Variants in KCNIP4 observed in about 807,000 individuals in gnomAD.
The protein encoded by KCNIP4 is potassium voltage-gated channel interacting protein 4, also known as Kv channel-interacting protein 4.
Under a neutral mutation model 34.0 loss-of-function variants are expected in KCNIP4, and 12 were observed. The ratio of observed to expected loss-of-function variants is 0.35; its 90% confidence interval spans 0.23 to 0.57. The LOEUF is 0.57. Among genes scored for constraint, KCNIP4 ranks in the 20% least tolerant of loss-of-function variants. The pLI is 0.83. For synonymous variants in KCNIP4, 124 were observed against 102.2 expected (o/e 1.21, Z -1.29); for missense variants, 238 against 311.7 (o/e 0.76, Z 1.78).
rs1331132908 is a variant in KCNIP4, at chr4:21,892,917, A to G, written c.61+55654T>C. ...GCATCTCTATTTTCAGCAGTTCCAC[A>G]GGCGATATAGCCACAGCTTTGGGCC... On this transcript the variant is annotated intron_variant, in intron 1 of 8. Transcript: ENST00000382152. 3.3e-5 allele frequency among the ~76,000 whole-genome samples: 5 copies of G among 152,178 alleles called. No homozygotes were observed. The East Asian group carries it at 9.6e-4, about 29-fold the overall frequency.
chr4:20,775,043 T>C (rs1175108924), intron 3 of KCNIP4, among the ~76,000 whole-genome samples: 2 of 152,180 alleles, frequency 1.3e-5, no homozygotes, highest in African/African-American at 4.8e-5. Context: ...TTTTTACCTC[T>C]GGTTTATTAT....
At chr4:21,111,717 G>A (rs934524318) in intron 1 of KCNIP4, among the ~76,000 whole-genome samples, 1 of 152,172 alleles carries the variant, frequency 6.6e-6, no homozygotes, top group Non-Finnish European at 1.5e-5. Flanking sequence ...TGGAGTAGGG[G>A]TCAGGGGTGG....
chr4:21,632,408 G>C (rs201272486), intron 1 of KCNIP4, among the ~76,000 whole-genome samples: 2 of 148,240 alleles, frequency 1.3e-5, no homozygotes, highest in Non-Finnish European at 3.0e-5. Flanking sequence ...TGTTTTTTTT[G>C]TTTTGGGGGT....
intron 1 of KCNIP4, among the ~76,000 whole-genome samples, chr4:21,270,800 A>G (rs1762094321): frequency 6.6e-6 from 1 of 152,078 alleles, no homozygotes; most frequent in African/African-American, 2.4e-5. Flanking sequence ...CAGCCTGGCC[A>G]ACAAGGTGAA....
chr4:21,067,879 C>T (rs1393795303), intron 1 of KCNIP4, among the ~76,000 whole-genome samples: 11 of 152,248 alleles, frequency 7.2e-5, no homozygotes, highest in African/African-American at 2.4e-4. Context: ...TATGTCCCAT[C>T]AACATAAATA....
chr4:20,803,729 G>GGAAGGAAGGAAGGAAGGAAGGAAGGAAA (rs1714708221), intron 3 of KCNIP4, among the ~76,000 whole-genome samples: 1 of 122,628 alleles, frequency 8.2e-6, no homozygotes, highest in East Asian at 2.3e-4. Flanking sequence ...GAGAGAGAGA[G>GGAAGGAAGGAAGGAAGGAAGGAAGGAAA]GAAGGAAGGA....
Position 21,048,834 on chromosome 4 carries a change from G to A in KCNIP4, c.62-166125C>T, listed in dbSNP as rs528119916. 2.6e-4 allele frequency among the ~76,000 whole-genome samples: 40 copies of A among 152,160 alleles called. No individual in the cohort carries two copies. In the South Asian group the frequency reaches 7.9e-3, roughly 30 times the overall value. On this transcript the variant is annotated intron_variant, in intron 1 of 8. Transcript: ENST00000382152. ...CAGTTTCCACTTTCTTCCTAGTGGG[G>A]CCTATCCTGAGTCCAGGAAGCACAT...
At chr4:21,849,766 C>T (rs1303172645) in intron 1 of KCNIP4, 2 of 151,712 alleles carry the variant, frequency 1.3e-5, no homozygotes, top group Admixed American at 1.3e-4. Flanking sequence ...AATCTTTATG[C>T]ACAGCAAAAG....
intron 1 of KCNIP4, among the ~76,000 whole-genome samples, chr4:21,895,823 T>C (rs1727354618): frequency 6.6e-6 from 1 of 152,160 alleles, no homozygotes; most frequent in African/African-American, 2.4e-5. Context: ...ACTCTCCCAA[T>C]TGGTGGCCAT....
intron 3 of KCNIP4, among the ~76,000 whole-genome samples, chr4:20,794,355 T>C (rs973346258): frequency 4.6e-5 from 7 of 152,290 alleles, no homozygotes; most frequent in Admixed American, 2.6e-4. Context: ...CTTTGCTTGC[T>C]TGCTGGCCAC....
chr4:21,338,591 A>G (rs541100894), intron 1 of KCNIP4, among the ~76,000 whole-genome samples: 12 of 151,364 alleles, frequency 7.9e-5, no homozygotes, highest in Admixed American at 2.0e-4. Flanking sequence ...TAGGTGACAG[A>G]GTGAGACTCT....
chr4:20,842,543 G>C (rs112023913), intron 3 of KCNIP4, among the ~76,000 whole-genome samples: 1,255 of 124,806 alleles, frequency 0.01, 10 homozygotes, highest in East Asian at 0.04. Context: ...ATATTTGTTG[G>C]ATGAGCATGT....
intron 1 of KCNIP4, among the ~76,000 whole-genome samples, chr4:21,799,725 C>G (rs975093771): frequency 6.6e-6 from 1 of 152,170 alleles, no homozygotes; most frequent in Non-Finnish European, 1.5e-5. Flanking sequence ...CTCTGGAATG[C>G]TGTGATTTCT....
intron 1 of KCNIP4, among the ~76,000 whole-genome samples, chr4:21,353,301 C>T (rs981808197): frequency 6.6e-6 from 1 of 152,208 alleles, no homozygotes; most frequent in East Asian, 1.9e-4. Context: ...ATGACTTTGA[C>T]GAATTGACAG....
intron 1 of KCNIP4, among the ~76,000 whole-genome samples, chr4:21,628,242 G>T (rs1039549): frequency 0.25 from 38,454 of 151,860 alleles, 5,287 homozygotes; most frequent in African/African-American, 0.37. Context: ...TCTAAATTCT[G>T]ACTATTAAAC....
At chr4:21,671,323 A>G (rs1749487756) in intron 1 of KCNIP4, among the ~76,000 whole-genome samples, 1 of 152,206 alleles carries the variant, frequency 6.6e-6, no homozygotes, top group African/African-American at 2.4e-5. Flanking sequence ...GGGATCTTGA[A>G]GATTCAGAAG....
chr4:21,071,890 G>A (rs1264398257), intron 1 of KCNIP4, among the ~76,000 whole-genome samples: 1 of 152,106 alleles, frequency 6.6e-6, no homozygotes, highest in African/African-American at 2.4e-5. Flanking sequence ...ACAACATGTG[G>A]TGTTTGGTTT....
rs187381558 is a variant in KCNIP4, at chr4:20,730,764, T to C, written c.706-635A>G. ...GCTGTGTTCAGTTTAGCATATTCTT[T>C]AGAAATGAGTTAGGGGACAGACTTT... On this transcript the variant is annotated intron_variant, in intron 8 of 8. Coordinates refer to ENST00000382152, the MANE Select transcript of KCNIP4 (RefSeq NM_025221.6). Among the ~76,000 whole-genome samples the C allele has an allele frequency of 2.4e-3, 358 of 152,242 alleles. 2 individuals are homozygous for C. Among genetic ancestry groups the C allele is most frequent in the African/African-American group, 7.6e-3 (315 of 41,550 alleles).
intron 1 of KCNIP4, among the ~76,000 whole-genome samples, chr4:20,927,990 G>A (rs10516371): frequency 0.31 from 46,748 of 151,574 alleles, 7,493 homozygotes; most frequent in South Asian, 0.39. Flanking sequence ...TATTCAATTC[G>A]AGCAGGGATG....
Sources: gnomAD v4.1 joint callset for allele counts (sites outside exome capture counted in the v4.1 genomes callset) on GRCh38, gnomAD v4.1.1 for gene constraint, MANE v1.5 for transcripts, NCBI Gene and HGNC (gene_info 2026-07-23, HGNC 2026-07-21) for gene names.